The following SGCD variants were observed in gnomAD, a reference collection of about 807,000 sequenced individuals.
SGCD encodes the protein sarcoglycan delta, also known as delta-sarcoglycan.
In SGCD, 18 loss-of-function variants were observed where a neutral mutation model predicts 36.6. That is an observed-to-expected ratio of 0.49 (90% CI 0.34 to 0.73). SGCD has a LOEUF of 0.73. Among genes scored for constraint, SGCD ranks in the 30% least tolerant of loss-of-function variants. The pLI, the probability that SGCD is intolerant of heterozygous loss-of-function variation, is 0.01. For synonymous variants in SGCD, 133 were observed against 130.6 expected (o/e 1.02, Z -0.12); for missense variants, 387 against 346.7 (o/e 1.12, Z -0.92).
intron 6 of SGCD, among the ~76,000 whole-genome samples, chr5:156,623,229 G>T (rs191785226): frequency 6.6e-6 from 1 of 152,036 alleles, no homozygotes; most frequent in African/African-American, 2.4e-5. Context: ...TGTGTGTCAC[G>T]TTCAGGCGTT....
At chr5:156,530,858 G>A (rs1460626928) in intron 4 of SGCD, among the ~76,000 whole-genome samples, 1 of 151,518 alleles carries the variant, frequency 6.6e-6, no homozygotes, top group African/African-American at 2.4e-5. Context: ...GATTACAGGC[G>A]TGAGCCACCG....
At position 156,017,765 on chromosome 5, in the gene SGCD, T is replaced by C. The variant is rs182287038; in HGVS notation, c.-281-100113T>C. On this transcript the variant is annotated intron_variant, in intron 1 of 9. Coordinates refer to the SGCD transcript ENST00000517913. ...TATTTTATAGTTTTTATATATTTTC[T>C]TCACTTATTGCATTAGCAATTATAT... Among the ~76,000 whole-genome samples the C allele has an allele frequency of 3.4e-3, 525 of 152,292 alleles. 2 individuals are homozygous for C. Among genetic ancestry groups the C allele is most frequent in the African/African-American group, 6.0e-3 (249 of 41,580 alleles).
intron 3 of SGCD, among the ~76,000 whole-genome samples, chr5:156,382,889 T>C (rs1771059681): frequency 6.6e-6 from 1 of 152,204 alleles, no homozygotes; most frequent in Non-Finnish European, 1.5e-5. Context: ...TAGATTTTAA[T>C]AAGGGCATTC....
chr5:156,696,869 C>G (rs1344332781), intron 7 of SGCD, among the ~76,000 whole-genome samples: 1 of 151,264 alleles, frequency 6.6e-6, no homozygotes, highest in Non-Finnish European at 1.5e-5. Flanking sequence ...ATCTATTATT[C>G]TAAGATCTCT....
intron 2 of SGCD, among the ~76,000 whole-genome samples, chr5:156,340,690 T>A (rs149914786): frequency 9.1e-4 from 138 of 152,336 alleles, no homozygotes; most frequent in African/African-American, 3.2e-3. Flanking sequence ...CATGATTTAC[T>A]GGGGCCTCTC....
chr5:156,485,599 G>A (rs1755623878), intron 3 of SGCD, among the ~76,000 whole-genome samples: 1 of 152,062 alleles, frequency 6.6e-6, no homozygotes, highest in African/African-American at 2.4e-5. Flanking sequence ...GGAGGTGGAG[G>A]CTGCAGTGAT....
chr5:155,933,644 T>C (rs1561654594), intron 1 of SGCD, among the ~76,000 whole-genome samples: 1 of 152,268 alleles, frequency 6.6e-6, no homozygotes, highest in African/African-American at 2.4e-5. Context: ...GGTGCTTCTA[T>C]GTGTACATCC....
intron 3 of SGCD, among the ~76,000 whole-genome samples, chr5:156,466,946 A>C (rs973634896): frequency 6.6e-6 from 1 of 152,208 alleles, no homozygotes; most frequent in Non-Finnish European, 1.5e-5. Flanking sequence ...AAGGGCCTGT[A>C]GTGTATGCCG....
chr5:155,996,897 A>ATAGATAGATAGATAGC (rs1412617688), intron 1 of SGCD, among the ~76,000 whole-genome samples: 3 of 150,598 alleles, frequency 2.0e-5, no homozygotes, highest in South Asian at 2.1e-4. Context: ...AGATAGATAG[A>ATAGATAGATAGATAGC]TAGATAGATA....
At chr5:156,537,478 C>T (rs965188313) in intron 4 of SGCD, among the ~76,000 whole-genome samples, 3 of 149,910 alleles carry the variant, frequency 2.0e-5, no homozygotes, top group African/African-American at 7.5e-5. Context: ...CACACACACA[C>T]ACACACACAC....
At chr5:156,297,636 T>G (rs1300106093) in intron 3 of SGCD, among the ~76,000 whole-genome samples, 2 of 68,842 alleles carry the variant, frequency 2.9e-5, no homozygotes, top group Non-Finnish European at 5.3e-5. Flanking sequence ...TGGGGACTGT[T>G]GTGGGGTGGG....
chr5:156,343,477 T>C (rs1197994654), intron 2 of SGCD, among the ~76,000 whole-genome samples: 1 of 152,242 alleles, frequency 6.6e-6, no homozygotes, highest in South Asian at 2.1e-4. Flanking sequence ...TCCTTTGTAG[T>C]ACTTTGTTAT....
At chr5:155,868,187 G>T (rs10056344), upstream of SGCD, among the ~76,000 whole-genome samples, 8,068 of 151,866 alleles carry the variant, frequency 0.053, 488 homozygotes, top group African/African-American at 0.15. Flanking sequence ...AAGTAGCTGG[G>T]ATTACAGGCA....
chr5:156,464,427 G>A (rs1262261784), intron 3 of SGCD, among the ~76,000 whole-genome samples: 1 of 151,846 alleles, frequency 6.6e-6, no homozygotes, highest in Non-Finnish European at 1.5e-5. Flanking sequence ...TCACCATGTT[G>A]GCCAGGCTGG....
intron 3 of SGCD, among the ~76,000 whole-genome samples, chr5:156,208,453 A>G (rs1201213154): frequency 6.6e-6 from 1 of 152,192 alleles, no homozygotes; most frequent in Non-Finnish European, 1.5e-5. Context: ...GGTTTGTAAG[A>G]ATAATTAGAA....
intron 1 of SGCD, among the ~76,000 whole-genome samples, chr5:155,956,535 G>A (rs1341187390): frequency 6.6e-6 from 1 of 152,084 alleles, no homozygotes; most frequent in East Asian, 1.9e-4. Flanking sequence ...TCATAGGGCT[G>A]CCATAACAAA....
At chr5:156,375,135 C>T (rs978421869) in intron 3 of SGCD, among the ~76,000 whole-genome samples, 1 of 152,030 alleles carries the variant, frequency 6.6e-6, no homozygotes, top group South Asian at 2.1e-4. Flanking sequence ...CTTCCCTTTC[C>T]TTCTCTCTGT....
intron 3 of SGCD, among the ~76,000 whole-genome samples, chr5:156,402,291 A>G (rs1020499406): frequency 2.0e-5 from 3 of 152,198 alleles, no homozygotes; most frequent in Non-Finnish European, 2.9e-5. Context: ...TAAAAGTGGT[A>G]TTATTGACAG....
At chr5:156,243,312 G>C (rs1289651474) in intron 3 of SGCD, among the ~76,000 whole-genome samples, 1 of 152,194 alleles carries the variant, frequency 6.6e-6, no homozygotes, top group African/African-American at 2.4e-5. Context: ...GTGGGATGTT[G>C]GAATCTCAGT....
Sources: gnomAD v4.1 joint callset for allele counts (sites outside exome capture counted in the v4.1 genomes callset) on GRCh38, gnomAD v4.1.1 for gene constraint, MANE v1.5 for transcripts, NCBI Gene and HGNC (gene_info 2026-07-23, HGNC 2026-07-21) for gene names.